CACNA1A: variants seen among roughly 807,000 people sequenced by gnomAD.
CACNA1A encodes voltage-dependent P/Q-type calcium channel subunit alpha-1A.
In CACNA1A, 57 loss-of-function variants were observed where a neutral mutation model predicts 262.4. The observed-to-expected ratio is 0.22, with a 90% CI of 0.18 to 0.27. The LOEUF is 0.27. CACNA1A is among the 10% of genes least tolerant of loss of function. The pLI, the probability that CACNA1A is intolerant of heterozygous loss-of-function variation, is 1.00. For missense variants in CACNA1A, 2,526 were observed against 3,562.8 expected, an observed-to-expected ratio of 0.71 and a Z score of 7.41; for synonymous variants, 1,431 against 1,419.3, an observed-to-expected ratio of 1.01 and a Z score of -0.18.
chr19:13,476,639 G>A (rs919625677), intron 1 of CACNA1A, among the ~76,000 whole-genome samples: 3 of 152,162 alleles, frequency 2.0e-5, no homozygotes, highest in Non-Finnish European at 2.9e-5. Context: ...AGAGGTGACT[G>A]TTGCATAACA....
In CACNA1A at chr19:13,214,631, C is replaced by T; in HGVS notation, c.5732-23G>A. ...CTCCTGCAATGGGGGTGTAGACAGA[C>T]CCTGACTGCCTGCCTGGGTGTCAGC... On this transcript the variant is annotated intron_variant, in intron 38 of 46. Transcript: ENST00000360228. The surrounding 1 kb of genome is among the most constrained non-coding windows in gnomAD (Gnocchi z 4.1). 6.3e-7 allele frequency: 1 copy of T among 1,578,958 alleles called. No homozygotes were observed. The highest frequency in any genetic ancestry group is 8.7e-7 in the Non-Finnish European group (1 of 1,150,678).
At chr19:13,328,939 T>C (rs902888408) in intron 10 of CACNA1A, among the ~76,000 whole-genome samples, 1 of 152,078 alleles carries the variant, frequency 6.6e-6, no homozygotes, top group South Asian at 2.1e-4. Flanking sequence ...CCTCTTTCTC[T>C]TGCCATCCTT....
intron 31 of CACNA1A, among the ~76,000 whole-genome samples, chr19:13,240,395 T>C (rs1023702209): frequency 2.0e-5 from 3 of 148,782 alleles, no homozygotes; most frequent in East Asian, 4.0e-4. Context: ...TGTGTGTGCA[T>C]AGTGACTGTG....
chr19:13,424,578 G>A (rs1163977482), intron 3 of CACNA1A, among the ~76,000 whole-genome samples: 1 of 151,828 alleles, frequency 6.6e-6, no homozygotes, highest in African/African-American at 2.4e-5. Context: ...TGATCCTCCT[G>A]CCTCAGCCTC....
At chr19:13,401,753 C>T (rs2144694840) in intron 3 of CACNA1A, among the ~76,000 whole-genome samples, 1 of 152,304 alleles carries the variant, frequency 6.6e-6, no homozygotes, top group East Asian at 1.9e-4. Flanking sequence ...CCTCCAACAG[C>T]CTGGATCCCT....
intron 3 of CACNA1A, among the ~76,000 whole-genome samples, chr19:13,400,265 T>G (rs1396326906): frequency 6.6e-6 from 1 of 152,150 alleles, no homozygotes; most frequent in African/African-American, 2.4e-5. Context: ...CAACTGATCA[T>G]GTATAACACT....
intron 5 of CACNA1A, among the ~76,000 whole-genome samples, chr19:13,361,864 C>T (rs996477510): frequency 1.3e-5 from 2 of 152,150 alleles, no homozygotes; most frequent in African/African-American, 4.8e-5. Flanking sequence ...TGAGAACTAT[C>T]GTTTAGCATG....
chr19:13,454,772 G>A (rs1410487030), intron 2 of CACNA1A, among the ~76,000 whole-genome samples: 1 of 152,060 alleles, frequency 6.6e-6, no homozygotes, highest in Non-Finnish European at 1.5e-5. Context: ...AAGCAACCTA[G>A]TGAGATCCCC....
intron 22 of CACNA1A, among the ~76,000 whole-genome samples, chr19:13,279,365 A>C (rs1387700128): frequency 6.6e-6 from 1 of 152,074 alleles, no homozygotes; most frequent in Non-Finnish European, 1.5e-5. Context: ...CCCCAATAAG[A>C]TCTCACTCCA....
Position 13,234,726 on chromosome 19 carries a change from G to A in CACNA1A, c.5249+195C>T, listed in dbSNP as rs2055811181. The A allele has an allele frequency of 5.4e-6, 3 of 556,260 alleles. No individual in the cohort carries two copies. The East Asian group carries it at 9.3e-5, about 17-fold the overall frequency. The allele number at this position is 556,260 out of a possible 1,614,324, so 34.5% of individuals were successfully genotyped here. On this transcript the variant is annotated intron_variant, in intron 34 of 46. Coordinates refer to ENST00000360228, the MANE Select transcript of CACNA1A (RefSeq NM_001127222.2). ...CGCCCCCTATCGGAAGAGAAGGCCGGCACGTCCCCTACCGGAAGAGAAGGG... is the reference window on the plus strand; with the variant it reads ...CGCCCCCTATCGGAAGAGAAGGCCGACACGTCCCCTACCGGAAGAGAAGGG...
At position 13,433,165 on chromosome 19, in the gene CACNA1A, C is replaced by T. The variant is rs183124030; in HGVS notation, c.539+19711G>A. Among the ~76,000 whole-genome samples the T allele has an allele frequency of 2.0e-5, 3 of 151,648 alleles. No individual in the cohort carries two copies. The East Asian group carries it at 5.8e-4, about 30-fold the overall frequency. On this transcript the variant is annotated intron_variant, in intron 3 of 46. Coordinates refer to ENST00000360228, the MANE Select transcript of CACNA1A (RefSeq NM_001127222.2). ...AAAATTAGCCAGGCGAGGTAGCAGG[C>T]ACCTGTAATCCCAGCTACTCGAGAG...
chr19:13,232,190 TTCTCTCTC>T (rs139395059), intron 34 of CACNA1A, among the ~76,000 whole-genome samples: 1 of 151,378 alleles, frequency 6.6e-6, no homozygotes, highest in African/African-American at 2.4e-5. Flanking sequence ...TTCCTTTCTT[TTCTCTCTC>T]TCTCTCTTTT....
intron 1 of CACNA1A, among the ~76,000 whole-genome samples, chr19:13,470,929 G>A (rs1177002546): frequency 6.6e-6 from 1 of 152,180 alleles, no homozygotes; most frequent in South Asian, 2.1e-4. Context: ...CACAGATTGG[G>A]TGGCTTAAAA....
intron 10 of CACNA1A, among the ~76,000 whole-genome samples, chr19:13,328,197 A>G (rs10404873): frequency 0.24 from 37,123 of 152,016 alleles, 5,682 homozygotes; most frequent in African/African-American, 0.44. Context: ...GAACCACTGT[A>G]CCTCGTCATA....
intron 6 of CACNA1A, among the ~76,000 whole-genome samples, chr19:13,350,734 T>C (rs945119320): frequency 6.6e-6 from 1 of 152,204 alleles, no homozygotes; most frequent in Non-Finnish European, 1.5e-5. Flanking sequence ...CTGGTCACAG[T>C]GGCTCATGCC....
rs11668875 is a variant in CACNA1A at position 13,490,041 on chromosome 19, T to C, written c.293+15891A>G. Among the ~76,000 whole-genome samples, 658 of 152,232 alleles carry C rather than the reference T, an allele frequency of 4.3e-3. 3 individuals carry two copies. The highest frequency in any genetic ancestry group is 8.4e-3 in the Admixed American group (129 of 15,290). On this transcript the variant is annotated intron_variant, in intron 1 of 46. Coordinates refer to ENST00000360228, the MANE Select transcript of CACNA1A (RefSeq NM_001127222.2). Reference sequence around the variant, plus strand: ...ACCAGGGCGGGGATTTTTGTCCGTGTGTTTATTTCTCTCTGTGTTTTGTCC... The same window carrying C: ...ACCAGGGCGGGGATTTTTGTCCGTGCGTTTATTTCTCTCTGTGTTTTGTCC...
intron 3 of CACNA1A, among the ~76,000 whole-genome samples, chr19:13,389,715 C>T (rs969834827): frequency 9.2e-5 from 14 of 152,300 alleles, no homozygotes; most frequent in Non-Finnish European, 1.5e-4. Context: ...TTCACATTTT[C>T]GGCCTGTTTT....
intron 11 of CACNA1A, chr19:13,316,053 A>G (rs10404379): frequency 0.29 from 44,633 of 151,840 alleles, 7,135 homozygotes; most frequent in East Asian, 0.47. Flanking sequence ...TGCCTCCTGG[A>G]TTCAAGCAGT....
intron 3 of CACNA1A, among the ~76,000 whole-genome samples, chr19:13,428,699 A>G (rs1769987674): frequency 6.6e-6 from 1 of 152,112 alleles, no homozygotes; most frequent in Non-Finnish European, 1.5e-5. Context: ...CGCCACGTCC[A>G]CTGGGATTCC....
Sources: allele counts gnomAD v4.1 joint callset (sites outside exome capture counted in the v4.1 genomes callset), GRCh38; gene constraint gnomAD v4.1.1; non-coding constraint Gnocchi (gnomAD v3.1); transcripts MANE v1.5; gene names NCBI Gene and HGNC (gene_info 2026-07-23, HGNC 2026-07-21).